IMPG1: variants seen among roughly 807,000 people sequenced by gnomAD.
IMPG1 encodes the protein interphotoreceptor matrix proteoglycan 1.
In IMPG1, 85 loss-of-function variants were observed where a neutral mutation model predicts 92.0. The observed-to-expected ratio is 0.92, with a 90% CI of 0.78 to 1.11. The LOEUF (loss-of-function observed/expected upper bound fraction) is 1.11. Ranked by LOEUF, IMPG1 falls within the 50% of genes least tolerant of loss-of-function variation. The pLI, the probability that IMPG1 is intolerant of heterozygous loss-of-function variation, is 0.00. For synonymous variants in IMPG1, 367 were observed against 334.1 expected (o/e 1.10, Z -1.08); for missense variants, 1,022 against 956.0 (o/e 1.07, Z -0.91).
chr6:75,966,578 A>G (rs1241063230), intron 12 of IMPG1, among the ~76,000 whole-genome samples: 1 of 152,214 alleles, frequency 6.6e-6, no homozygotes, highest in African/African-American at 2.4e-5. Flanking sequence ...AACTATAAGC[A>G]ATACATTTAT....
chr6:75,939,184 C>CTTTT (rs1216908529), intron 14 of IMPG1, among the ~76,000 whole-genome samples: 1 of 152,194 alleles, frequency 6.6e-6, no homozygotes, highest in Non-Finnish European at 1.5e-5. Flanking sequence ...TCTCAACTTC[C>CTTTT]TTTTTCTTTT....
At chr6:76,068,278 C>A (rs143136427) in intron 1 of IMPG1, among the ~76,000 whole-genome samples, 1 of 152,028 alleles carries the variant, frequency 6.6e-6, no homozygotes, top group Admixed American at 6.6e-5. Context: ...TGATCTTATA[C>A]GTAGAAAATC....
intron 12 of IMPG1, among the ~76,000 whole-genome samples, chr6:75,953,315 C>T (rs1374282154): frequency 2.6e-5 from 4 of 152,164 alleles, no homozygotes; most frequent in Non-Finnish European, 5.9e-5. Context: ...ATGTGCAGAA[C>T]ATGTAGGTGT....
At chr6:75,949,662 C>G (rs897023043) in intron 13 of IMPG1, among the ~76,000 whole-genome samples, 27 of 152,088 alleles carry the variant, frequency 1.8e-4, no homozygotes, top group Admixed American at 1.6e-3. Flanking sequence ...GACTAGGACC[C>G]CTTTTCTGTA....
At chr6:76,005,808 T>A (rs1783085933) in intron 9 of IMPG1, among the ~76,000 whole-genome samples, 1 of 151,850 alleles carries the variant, frequency 6.6e-6, no homozygotes, top group African/African-American at 2.4e-5. Context: ...GACCATAGAT[T>A]TTTACTTTAG....
chr6:75,945,197 T>C (rs762752158), intron 14 of IMPG1, among the ~76,000 whole-genome samples: 3 of 152,228 alleles, frequency 2.0e-5, no homozygotes, highest in South Asian at 2.1e-4. Flanking sequence ...AGGTCACAAA[T>C]TGATAGTCAA....
At chr6:75,935,585 G>A (rs1049630609) in intron 14 of IMPG1, among the ~76,000 whole-genome samples, 8 of 152,174 alleles carry the variant, frequency 5.3e-5, no homozygotes, top group Non-Finnish European at 1.0e-4. Flanking sequence ...TTGTGGTCAT[G>A]GTTTTGTTGG....
intron 1 of IMPG1, among the ~76,000 whole-genome samples, chr6:76,061,081 G>A (rs76340109): frequency 0.022 from 3,277 of 152,052 alleles, 38 homozygotes; most frequent in Non-Finnish European, 0.031. Flanking sequence ...AAACAGAAAC[G>A]GCTAAGAAAG....
intron 12 of IMPG1, among the ~76,000 whole-genome samples, chr6:75,986,324 G>C (rs1020603001): frequency 6.6e-6 from 1 of 151,932 alleles, no homozygotes; most frequent in Non-Finnish European, 1.5e-5. Context: ...AGAGAGTCAG[G>C]CAAGTCTGCA....
intron 12 of IMPG1, among the ~76,000 whole-genome samples, chr6:75,971,919 T>G (rs1188274652): frequency 6.6e-6 from 1 of 152,360 alleles, no homozygotes; most frequent in East Asian, 1.9e-4. Context: ...GCTGATTGTG[T>G]GTTTGAATTC....
intron 12 of IMPG1, among the ~76,000 whole-genome samples, chr6:75,951,890 C>T (rs1022866313): frequency 4.6e-5 from 7 of 152,088 alleles, no homozygotes; most frequent in Middle Eastern, 3.4e-3. Context: ...AGCAGTGAGC[C>T]GAGATCATGC....
In IMPG1 at chr6:75,974,428, G is replaced by GCTTC. The variant is rs1224488663; in HGVS notation, c.1292-23338_1292-23335dup. On this transcript the variant is annotated intron_variant, in intron 12 of 16. Transcript: ENST00000369950. ...TCCTTCCTTCCTTCCTTCCTTCCTT[G>GCTTC]CTTCCTTCCTTCCTTCCTTCCTTCT... is the stretch of plus-strand genomic sequence containing the variant. Among the ~76,000 whole-genome samples, 469 of 96,332 alleles carry GCTTC rather than the reference G, an allele frequency of 4.9e-3. 12 individuals carry two copies. Among genetic ancestry groups the GCTTC allele is most frequent in the African/African-American group, 0.017 (412 of 24,470 alleles). 63.2% of individuals were successfully genotyped at this position (96,332 alleles called of 152,430 possible).
chr6:76,053,896 A>C (rs890826941), intron 1 of IMPG1, among the ~76,000 whole-genome samples: 1 of 152,178 alleles, frequency 6.6e-6, no homozygotes, highest in Admixed American at 6.6e-5. Flanking sequence ...ATATTACAAA[A>C]AAAGAATGAT....
chr6:76,039,103 G>A (rs1005744000), intron 2 of IMPG1, among the ~76,000 whole-genome samples: 1 of 152,216 alleles, frequency 6.6e-6, no homozygotes, highest in African/African-American at 2.4e-5. Flanking sequence ...TACAACGGGA[G>A]TGTTGGCTAG....
chr6:76,058,411 TA>T (rs1784154951), intron 1 of IMPG1, among the ~76,000 whole-genome samples: 1 of 152,164 alleles, frequency 6.6e-6, no homozygotes, highest in African/African-American at 2.4e-5. Flanking sequence ...AGTTAGCACT[TA>T]TTGAGCATCT....
intron 8 of IMPG1, among the ~76,000 whole-genome samples, chr6:76,009,694 G>C (rs994802838): frequency 2.0e-5 from 3 of 152,140 alleles, no homozygotes; most frequent in Non-Finnish European, 4.4e-5. Flanking sequence ...ACAAAGATAA[G>C]CACTTGGTAA....
At chr6:76,010,505 G>A (rs1783166407) in intron 8 of IMPG1, among the ~76,000 whole-genome samples, 1 of 152,034 alleles carries the variant, frequency 6.6e-6, no homozygotes, top group Non-Finnish European at 1.5e-5. Flanking sequence ...CAAAGATGTG[G>A]GAATATGGTT....
At chr6:76,052,799 C>T (rs938816329) in intron 1 of IMPG1, among the ~76,000 whole-genome samples, 3 of 152,170 alleles carry the variant, frequency 2.0e-5, no homozygotes, top group Admixed American at 2.0e-4. Context: ...AATGCATTAT[C>T]ACTTTGAAAA....
chr6:76,035,830 G>A (rs2794282), intron 2 of IMPG1, among the ~76,000 whole-genome samples: 151,168 of 152,318 alleles, frequency 0.99, 75,017 homozygotes, highest in East Asian at 1. Flanking sequence ...GCAATTTGCA[G>A]TAACAATACT....
Sources: allele counts gnomAD v4.1 joint callset (sites outside exome capture counted in the v4.1 genomes callset), GRCh38; gene constraint gnomAD v4.1.1; transcripts MANE v1.5; gene names NCBI Gene and HGNC (gene_info 2026-07-23, HGNC 2026-07-21).